Variants in PCSK5 observed in about 807,000 individuals in gnomAD.
The protein encoded by PCSK5 is prohormone convertase 5.
A neutral mutation model predicts 233.2 loss-of-function variants in PCSK5; 129 were observed. That is an observed-to-expected ratio of 0.55 (90% CI 0.48 to 0.64). The LOEUF is 0.64. PCSK5 is among the 30% of genes least tolerant of loss of function. The pLI is 0.00. For missense variants in PCSK5, 2,076 were observed against 2,430.1 expected (o/e 0.85, Z 3.06); for synonymous variants, 825 against 879.2 (o/e 0.94, Z 1.09).
At chr9:76,341,269 T>C (rs566635259) in intron 35 of PCSK5, among the ~76,000 whole-genome samples, 22 of 152,218 alleles carry the variant, frequency 1.4e-4, no homozygotes, top group Admixed American at 4.6e-4. Flanking sequence ...TTCTCATCCA[T>C]TTTTATTTTA....
intron 5 of PCSK5, among the ~76,000 whole-genome samples, chr9:76,062,875 C>T (rs1285879299): frequency 6.6e-6 from 1 of 152,030 alleles, no homozygotes; most frequent in Non-Finnish European, 1.5e-5. Flanking sequence ...TTCTATTATA[C>T]TATTGAACAC....
intron 8 of PCSK5, among the ~76,000 whole-genome samples, chr9:76,104,247 T>C (rs1431437400): frequency 1.3e-5 from 2 of 152,326 alleles, no homozygotes; most frequent in East Asian, 3.9e-4. Context: ...CCACCTCTGA[T>C]AGTAACTTCC....
intron 2 of PCSK5, among the ~76,000 whole-genome samples, chr9:75,981,845 G>A (rs998530106): frequency 1.3e-5 from 2 of 152,142 alleles, no homozygotes; most frequent in South Asian, 4.1e-4. Flanking sequence ...TTATAGGTGT[G>A]AGCCATTGGG....
At chr9:76,276,952 G>C (rs1375114734) in intron 24 of PCSK5, among the ~76,000 whole-genome samples, 1 of 152,116 alleles carries the variant, frequency 6.6e-6, no homozygotes. Context: ...TCTAGGCTGG[G>C]TGCAGTGGCT....
At chr9:76,101,030 C>A (rs1831733403) in intron 8 of PCSK5, among the ~76,000 whole-genome samples, 1 of 152,208 alleles carries the variant, frequency 6.6e-6, no homozygotes, top group South Asian at 2.1e-4. Flanking sequence ...AATAGAGGCA[C>A]ACCCCTCCAC....
chr9:75,983,035 C>T (rs1826347838), intron 2 of PCSK5, among the ~76,000 whole-genome samples: 1 of 151,864 alleles, frequency 6.6e-6, no homozygotes, highest in Non-Finnish European at 1.5e-5. Context: ...ATTTTTTTCC[C>T]TACTGATTTA....
At chr9:76,292,622 C>A (rs940296317) in intron 25 of PCSK5, among the ~76,000 whole-genome samples, 1 of 152,146 alleles carries the variant, frequency 6.6e-6, no homozygotes, top group African/African-American at 2.4e-5. Context: ...ATGGATACTG[C>A]GTCCTTAACC....
intron 20 of PCSK5, among the ~76,000 whole-genome samples, chr9:76,199,204 C>A (rs998677071): frequency 5.3e-5 from 8 of 152,158 alleles, no homozygotes; most frequent in Non-Finnish European, 1.2e-4. Flanking sequence ...TAGCCTACCA[C>A]CCACCTAAGC....
chr9:75,932,554 G>T (rs1345577260), intron 2 of PCSK5, 71 bp downstream of exon 2: 2 of 879,526 alleles, frequency 2.3e-6, no homozygotes, highest in Middle Eastern at 2.2e-4. Flanking sequence ...TAACACACTA[G>T]GGGCTGAGGA....
rs186146282 is a variant in PCSK5 at position 76,204,697 on chromosome 9, G to A, written c.2626+14951G>A. On this transcript the variant is annotated intron_variant, in intron 20 of 37. Transcript: ENST00000674117. The stretch of plus-strand genomic sequence containing the variant: ...AGGAGTGCATTTGCTTTTTCTCATC[G>A]TTGCATACCCCATAATTAGCACAGT... 9.2e-5 allele frequency among the ~76,000 whole-genome samples: 14 copies of A among 152,156 alleles called. 1 individual carries two copies. The highest frequency in any genetic ancestry group is 2.9e-4 in the African/African-American group (12 of 41,504).
At chr9:76,310,460 C>CA (rs1200347682) in intron 29 of PCSK5, among the ~76,000 whole-genome samples, 196 bp from the exon 30 acceptor site, 1 of 152,130 alleles carries the variant, frequency 6.6e-6, no homozygotes, top group African/African-American at 2.4e-5. Flanking sequence ...AAGAAACAGG[C>CA]AAAAGTCTCT....
At chr9:76,324,850 C>T (rs1477977813) in intron 32 of PCSK5, among the ~76,000 whole-genome samples, 1 of 152,022 alleles carries the variant, frequency 6.6e-6, no homozygotes, top group Non-Finnish European at 1.5e-5. Flanking sequence ...CACATGTCGC[C>T]CCCAAGCAAA....
intron 27 of PCSK5, among the ~76,000 whole-genome samples, chr9:76,298,848 T>C (rs528370640): frequency 1.3e-5 from 2 of 152,262 alleles, no homozygotes; most frequent in East Asian, 3.9e-4. Context: ...CTGTTTCATT[T>C]TGGGTTTTGT....
chr9:76,206,897 G>A (rs1399487969), intron 20 of PCSK5, among the ~76,000 whole-genome samples: 1 of 152,106 alleles, frequency 6.6e-6, no homozygotes, highest in East Asian at 1.9e-4. Context: ...CACTTCTGGA[G>A]GTCAGTAGTC....
At chr9:75,946,635 C>T (rs918084312) in intron 2 of PCSK5, among the ~76,000 whole-genome samples, 1 of 152,190 alleles carries the variant, frequency 6.6e-6, no homozygotes, top group Admixed American at 6.5e-5. Context: ...GTCACCCAGA[C>T]TGGAGTGCAG....
At chr9:76,092,659 G>C (rs895154866) in intron 7 of PCSK5, among the ~76,000 whole-genome samples, 5 of 152,218 alleles carry the variant, frequency 3.3e-5, no homozygotes, top group African/African-American at 1.2e-4. Flanking sequence ...CACCCAGCCC[G>C]TTAGTGAGCA....
chr9:76,351,529 AAAGGAAGG>A lies in PCSK5; in HGVS notation c.5067+604_5067+611del, dbSNP rs1471954374. On this transcript the variant is annotated intron_variant, in intron 36 of 37. Transcript: ENST00000674117. ...GAAAGAAAGAAAGAAAGAAAGAAAG[AAAGGAAGG>A]AAAGAAAGAGAAAGAAGAGAGAGAG... 5.7e-3 allele frequency among the ~76,000 whole-genome samples: 619 copies of A among 108,704 alleles called. 150 individuals are homozygous for A. The highest frequency in any genetic ancestry group is 9.8e-3 in the Non-Finnish European group (484 of 49,140). The allele number at this position is 108,704 out of a possible 152,430, so 71.3% of individuals were successfully genotyped here.
At chr9:75,975,948 A>G (rs1028898225) in intron 2 of PCSK5, among the ~76,000 whole-genome samples, 4 of 152,156 alleles carry the variant, frequency 2.6e-5, no homozygotes, top group African/African-American at 7.2e-5. Flanking sequence ...TTGTTGTCCC[A>G]GTTCAATCTC....
chr9:76,213,857 T>G (rs1428249173), intron 20 of PCSK5, among the ~76,000 whole-genome samples: 2 of 152,138 alleles, frequency 1.3e-5, no homozygotes, highest in African/African-American at 4.8e-5. Flanking sequence ...TTGCTTTCCT[T>G]GTCTCTCTCT....
Sources: allele counts gnomAD v4.1 joint callset (sites outside exome capture counted in the v4.1 genomes callset), GRCh38; gene constraint gnomAD v4.1.1; transcripts MANE v1.5; gene names NCBI Gene and HGNC (gene_info 2026-07-23, HGNC 2026-07-21).